The following L1CAM variants were observed in gnomAD, a reference collection of about 807,000 sequenced individuals.
L1CAM encodes the protein L1 cell adhesion molecule, also known as neural cell adhesion molecule L1.
In L1CAM, 8 loss-of-function variants were observed where a neutral mutation model predicts 93.0. That is an observed-to-expected ratio of 0.09 (90% confidence interval 0.05 to 0.16). The LOEUF (loss-of-function observed/expected upper bound fraction) is 0.16, where lower values mean the gene tolerates loss of function less well. Ranked by LOEUF, L1CAM falls within the 10% of genes least tolerant of loss-of-function variation. The pLI is 1.00. For synonymous variants in L1CAM, 453 were observed against 453.0 expected (o/e 1.00, Z 0.00); for missense variants, 777 against 1,073.4 (o/e 0.72, Z 3.86).
At chrX:153,879,614 T>C (rs1301143144) in intron 1 of L1CAM, among the ~76,000 whole-genome samples, 1 of 111,759 alleles carries the variant, frequency 8.9e-6, no homozygotes, top group East Asian at 2.8e-4. Flanking sequence ...AGCTGTGAGC[T>C]GGGGCCGGAG....
intron 11 of L1CAM, 114 bp from the exon 12 acceptor site, chrX:153,869,066 C>T (rs5945359): frequency 5.0e-6 from 3 of 596,154 alleles, no homozygotes; most frequent in Non-Finnish European, 8.4e-6. Flanking sequence ...GCAAATCTTG[C>T]TTCCCTGCTC....
chrX:153,865,425 C>T lies in L1CAM; in HGVS notation c.2623G>A (p.Ala875Thr), dbSNP rs781844857. The T allele has an allele frequency of 5.0e-6, 6 of 1,210,781 alleles. No homozygotes were observed. In the South Asian group the frequency reaches 7.0e-5, roughly 14 times the overall value. Residue 875 changes from alanine (A) to threonine (T), a missense_variant, in exon 21 of 29, where the codon GCC (alanine) becomes ACC (threonine). This residue lies in a region of L1CAM where 574 missense variants were observed against 781.0 expected (regional missense o/e 0.73). Coordinates refer to ENST00000370060, the MANE Select transcript of L1CAM (RefSeq NM_001278116.2). ...HIHKDHVVVP[A>T]NTTSVILSGL... ...CTGAGGATGACACTGGTGGTGTTGG[C>T]GGGCACCACCACATGGTCTTTGTGG...
chrX:153,866,562 G>A (rs1300289253), intron 19 of L1CAM, 87 bp downstream of exon 19: 19 of 640,808 alleles, frequency 3.0e-5, no homozygotes, highest in Non-Finnish European at 4.3e-5. Flanking sequence ...TAGGAAAGGC[G>A]CACACCAATG....
rs139305990 is a variant in L1CAM at position 153,884,267 on chromosome X, C to T, written c.-109+1798G>A. 12 of 1,009,757 alleles carry T rather than the reference C, an allele frequency of 1.2e-5. No individual in the cohort carries two copies. In the Admixed American group the frequency reaches 1.3e-4, roughly 11 times the overall value. 83.2% of individuals were successfully genotyped at this position (1,009,757 alleles called of 1,213,427 possible). ...GACTGCCCATCGCTGGGATCCTGAG[C>T]GCCTGGGTAGGGAAGCTCTTCACTG... On this transcript the variant is annotated intron_variant, in intron 1 of 28. Coordinates refer to ENST00000370060, the MANE Select transcript of L1CAM (RefSeq NM_001278116.2).
chrX:153,864,760 C>T, intron 23 of L1CAM, 56 bp from the exon 24 acceptor site: 2 of 1,211,738 alleles, frequency 1.7e-6, no homozygotes, highest in Non-Finnish European at 2.2e-6. Context: ...AGTCTAAGGC[C>T]CTCCCTCCTG....
Position 153,861,858 on chromosome X carries a change from G to A in L1CAM, c.*805C>T, listed in dbSNP as rs2064663976. 9.2e-6 allele frequency: 1 copy of A among 108,216 alleles called. No individual in the cohort carries two copies. Among genetic ancestry groups the A allele is most frequent in the Non-Finnish European group, 1.9e-5 (1 of 52,049 alleles). The allele number at this position is 108,216 out of a possible 1,213,427, so 8.9% of individuals were successfully genotyped here. On this transcript the variant is annotated 3_prime_UTR_variant, in exon 29 of 29. Coordinates refer to ENST00000370060, the MANE Select transcript of L1CAM (RefSeq NM_001278116.2). ...CAAGGTGGGGGCGGGAGGAGGCTGA[G>A]GAAGACAACTGTTCAGACGATAGGG...
chrX:153,870,555 G>T, intron 7 of L1CAM, 56 bp from the exon 8 acceptor site: 1 of 1,021,953 alleles, frequency 9.8e-7, no homozygotes, highest in Non-Finnish European at 1.4e-6. Context: ...CCCCAGAATT[G>T]CAAGGCTGAG....
chrX:153,883,647 C>A (rs912332878), intron 1 of L1CAM: 2 of 297,930 alleles, frequency 6.7e-6, no homozygotes, highest in South Asian at 3.1e-5. Flanking sequence ...CCGCCTCCCC[C>A]ACTGTCTGAA....
Position 153,876,089 on chromosome X carries a change from C to T in L1CAM, c.-108-145G>A, listed in dbSNP as rs1200922213. ...AGCTGGCCGGCTTCTCCAGCCCTCC[C>T]CTCCCCATCCGCACCCCTCCCCACC... On this transcript the variant is annotated intron_variant, in intron 1 of 28. Transcript: ENST00000370060. 1.1e-5 allele frequency: 5 copies of T among 445,636 alleles called. No homozygotes were observed. In the African/African-American group the frequency reaches 1.2e-4, roughly 11 times the overall value. 36.7% of individuals were successfully genotyped at this position (445,636 alleles called of 1,213,427 possible).
chrX:153,885,637 G>A (rs1413319011), intron 1 of L1CAM, among the ~76,000 whole-genome samples: 3 of 111,702 alleles, frequency 2.7e-5, no homozygotes, highest in East Asian at 5.7e-4. Context: ...GGCTGGGGAT[G>A]AGGGGCAGCC....
chrX:153,862,926 G>A (rs1163397432), intron 28 of L1CAM, 32 bp from the exon 29 acceptor site: 1 of 1,097,229 alleles, frequency 9.1e-7, no homozygotes, highest in Non-Finnish European at 1.2e-6. Flanking sequence ...GCGAGTGAGA[G>A]CACTGCCGAG....
At chrX:153,884,178 C>T (rs782181933) in intron 1 of L1CAM, 9 of 980,110 alleles carry the variant, frequency 9.2e-6, no homozygotes, top group African/African-American at 2.0e-5. Context: ...GTCACTGGCT[C>T]TTCCATGGGC....
chrX:153,881,231 G>A (rs1323726829), intron 1 of L1CAM, among the ~76,000 whole-genome samples: 1 of 112,291 alleles, frequency 8.9e-6, no homozygotes, highest in Admixed American at 9.4e-5. Flanking sequence ...TTTTACAGAT[G>A]AGGACACGGA....
chrX:153,864,117 A>G lies in L1CAM; in HGVS notation c.3323-100T>C. 3.6e-6 allele frequency: 4 copies of G among 1,122,042 alleles called. No individual in the cohort carries two copies. The Admixed American group carries it at 6.7e-5, about 19-fold the overall frequency. The allele number at this position is 1,122,042 out of a possible 1,213,427, so 92.5% of individuals were successfully genotyped here. ...AAAGTTGGGGCCCTCTGGGGGGCTA[A>G]GGAGTGACAGGGACAGGGAAAAGGG... is the stretch of plus-strand genomic sequence containing the variant. On this transcript the variant is annotated intron_variant, in intron 25 of 28. Coordinates refer to ENST00000370060, the MANE Select transcript of L1CAM (RefSeq NM_001278116.2).
rs55666951 is a variant in L1CAM at position 153,867,702 on chromosome X, G to A, written c.1939+98C>T. 6,623 of 978,888 alleles carry A rather than the reference G, an allele frequency of 6.8e-3. 252 individuals carry two copies. The African/African-American group carries it at 0.11, about 16-fold the overall frequency. The allele number at this position is 978,888 out of a possible 1,213,427, so 80.7% of individuals were successfully genotyped here. A position where few individuals can be genotyped will look rare whatever the true frequency, so the allele number is the denominator to read the frequency against. ...GAGGAACCGTGAGTCCCCCCAAACCGTGTCCCCCCAGGAAGGCTCCAGGAG... is the reference window on the plus strand; with the variant it reads ...GAGGAACCGTGAGTCCCCCCAAACCATGTCCCCCCAGGAAGGCTCCAGGAG... On this transcript the variant is annotated intron_variant, in intron 16 of 28. Transcript: ENST00000370060.
chrX:153,885,789 G>C, intron 1 of L1CAM: 1 of 798,976 alleles, frequency 1.3e-6, no homozygotes, highest in Non-Finnish European at 1.5e-6. Context: ...GACGCCCCCC[G>C]CCCTGTTCTC....
chrX:153,873,836 C>G (rs903222411), intron 2 of L1CAM, among the ~76,000 whole-genome samples: 1 of 112,819 alleles, frequency 8.9e-6, no homozygotes, highest in African/African-American at 3.2e-5. Flanking sequence ...TCCCTCCTTC[C>G]TCCCAGACAG....
intron 21 of L1CAM, 42 bp from the exon 22 acceptor site, chrX:153,865,252 G>A: frequency 8.3e-7 from 1 of 1,208,696 alleles, no homozygotes; most frequent in Non-Finnish European, 1.1e-6. Context: ...TCCTCGCCCA[G>A]GTCTGGGGAG....
chrX:153,877,027 G>C (rs782586197), intron 1 of L1CAM, among the ~76,000 whole-genome samples: 3 of 108,975 alleles, frequency 2.8e-5, no homozygotes, highest in Non-Finnish European at 5.7e-5. Context: ...AAAATAAAAG[G>C]CCAGGCACAG....
Sources: allele counts gnomAD v4.1 joint callset (sites outside exome capture counted in the v4.1 genomes callset), GRCh38; gene constraint gnomAD v4.1.1; regional missense constraint gnomAD v4.1.1; transcripts MANE v1.5; gene names NCBI Gene and HGNC (gene_info 2026-07-23, HGNC 2026-07-21).